Variants in GRIK2 observed in about 807,000 individuals in gnomAD.
GRIK2 encodes glutamate ionotropic receptor kainate type subunit 2.
Under a neutral mutation model 100.3 loss-of-function variants are expected in GRIK2, and 32 were observed. The observed-to-expected ratio is 0.32, with a 90% CI of 0.24 to 0.43. The LOEUF is 0.43. Ranked by LOEUF, GRIK2 falls within the 20% of genes least tolerant of loss-of-function variation. GRIK2 has a pLI of 1.00. For synonymous variants in GRIK2, 417 were observed against 389.4 expected (o/e 1.07, Z -0.83); for missense variants, 843 against 1,114.9 (o/e 0.76, Z 3.47).
At chr6:101,444,673 A>G (rs1770265081) in intron 2 of GRIK2, among the ~76,000 whole-genome samples, 1 of 152,104 alleles carries the variant, frequency 6.6e-6, no homozygotes, top group South Asian at 2.1e-4. Flanking sequence ...ATCCTTTCTT[A>G]TTGAAAATCT....
intron 2 of GRIK2, among the ~76,000 whole-genome samples, chr6:101,612,577 A>AG (rs1351230632): frequency 1.3e-5 from 2 of 151,840 alleles, no homozygotes; most frequent in Non-Finnish European, 2.9e-5. Flanking sequence ...TATGTTTGAA[A>AG]GGGGTCTGGA....
At chr6:102,017,570 T>C (rs1302557318) in intron 14 of GRIK2, among the ~76,000 whole-genome samples, 1 of 152,178 alleles carries the variant, frequency 6.6e-6, no homozygotes, top group Non-Finnish European at 1.5e-5. Flanking sequence ...ATATCTGACA[T>C]TAACTTGAGG....
chr6:101,702,714 T>A (rs2852568), intron 7 of GRIK2, among the ~76,000 whole-genome samples: 37,881 of 151,480 alleles, frequency 0.25, 6,562 homozygotes, highest in African/African-American at 0.49. Flanking sequence ...GTGATTTAGG[T>A]GTGGGGAAGG....
intron 7 of GRIK2, among the ~76,000 whole-genome samples, chr6:101,773,435 G>A (rs1156782606): frequency 2.7e-5 from 4 of 145,660 alleles, no homozygotes; most frequent in African/African-American, 1.0e-4. Flanking sequence ...AGCCGAGATC[G>A]TGCCATTGCA....
intron 2 of GRIK2, among the ~76,000 whole-genome samples, chr6:101,420,415 C>T (rs1776356475): frequency 2.0e-5 from 3 of 152,132 alleles, no homozygotes; most frequent in South Asian, 4.1e-4. Flanking sequence ...TATGAAATTG[C>T]TAATATTTGG....
intron 2 of GRIK2, among the ~76,000 whole-genome samples, chr6:101,512,345 T>C (rs755288615): frequency 3.9e-4 from 59 of 152,034 alleles, no homozygotes; most frequent in Non-Finnish European, 5.9e-4. Flanking sequence ...TAAAAATTTG[T>C]TAAACATTTT....
chr6:101,791,745 C>G (rs1779876249), intron 7 of GRIK2, among the ~76,000 whole-genome samples: 3 of 151,974 alleles, frequency 2.0e-5, no homozygotes, highest in African/African-American at 7.3e-5. Context: ...GAGCTGAGTT[C>G]AATTCCTGGG....
intron 2 of GRIK2, among the ~76,000 whole-genome samples, chr6:101,442,347 G>T (rs1219159409): frequency 6.6e-5 from 10 of 152,198 alleles, no homozygotes; most frequent in South Asian, 4.2e-4. Context: ...TGAATCCCAG[G>T]TTACCACCCA....
chr6:101,402,352 T>G (rs1775359241), intron 2 of GRIK2, among the ~76,000 whole-genome samples: 2 of 152,180 alleles, frequency 1.3e-5, no homozygotes, highest in African/African-American at 4.8e-5. Flanking sequence ...GTCTCTCTAG[T>G]GCTCAAGAAA....
At position 101,977,173 on chromosome 6, in the gene GRIK2, A is replaced by T. The variant is rs531444001; in HGVS notation, c.2085+48541A>T. 1.1e-4 allele frequency among the ~76,000 whole-genome samples: 17 copies of T among 151,404 alleles called. No individual in the cohort carries two copies. The South Asian group carries it at 3.5e-3, about 31-fold the overall frequency. ...GAGAGGGATTTATTATTTTTTTTTT[A>T]CAAGAGAGGCTATAATAGGAAATAA... On this transcript the variant is annotated intron_variant, in intron 14 of 16. Coordinates refer to ENST00000369134, the MANE Select transcript of GRIK2 (RefSeq NM_021956.5).
At chr6:101,434,610 C>A (rs1345885039) in intron 2 of GRIK2, among the ~76,000 whole-genome samples, 2 of 151,968 alleles carry the variant, frequency 1.3e-5, no homozygotes, top group African/African-American at 4.8e-5. Flanking sequence ...TGAATATTAA[C>A]CTTCTGGATG....
At chr6:101,841,643 C>T (rs1034493977) in intron 10 of GRIK2, among the ~76,000 whole-genome samples, 4 of 152,086 alleles carry the variant, frequency 2.6e-5, no homozygotes, top group East Asian at 1.9e-4. Flanking sequence ...GGATTACAAG[C>T]GTGAGCCACC....
At chr6:101,440,253 G>A (rs1769970310) in intron 2 of GRIK2, among the ~76,000 whole-genome samples, 1 of 152,070 alleles carries the variant, frequency 6.6e-6, no homozygotes, top group Non-Finnish European at 1.5e-5. Flanking sequence ...AACAGAATTA[G>A]GTATAAGACA....
chr6:101,760,934 A>G (rs1777615544), intron 7 of GRIK2, among the ~76,000 whole-genome samples: 1 of 151,622 alleles, frequency 6.6e-6, no homozygotes, highest in Admixed American at 6.6e-5. Flanking sequence ...TCTGTCTCAT[A>G]TGAGATACTT....
intron 14 of GRIK2, among the ~76,000 whole-genome samples, chr6:101,953,640 C>T (rs961151864): frequency 2.0e-5 from 3 of 152,106 alleles, no homozygotes; most frequent in African/African-American, 7.2e-5. Flanking sequence ...AGTATTTTTA[C>T]ATTTTATAGA....
At chr6:102,031,077 A>T (rs1057372762) in intron 14 of GRIK2, among the ~76,000 whole-genome samples, 8 of 8,428 alleles carry the variant, frequency 9.5e-4, no homozygotes, top group African/African-American at 6.0e-3. Context: ...ATTATGCATT[A>T]CACACACACA....
intron 2 of GRIK2, among the ~76,000 whole-genome samples, chr6:101,481,142 T>G (rs1374635844): frequency 6.6e-6 from 1 of 152,236 alleles, no homozygotes; most frequent in African/African-American, 2.4e-5. Context: ...TTAGTGTAAC[T>G]GAGGCCATAT....
intron 2 of GRIK2, among the ~76,000 whole-genome samples, chr6:101,444,838 A>ATCCCTCTGTTTTCT (rs1480511803): frequency 3.3e-5 from 5 of 151,984 alleles, no homozygotes; most frequent in African/African-American, 1.2e-4. Flanking sequence ...TTATCAGCAT[A>ATCCCTCTGTTTTCT]TACCTCTGTT....
intron 14 of GRIK2, among the ~76,000 whole-genome samples, chr6:101,946,274 C>T (rs1460041374): frequency 6.6e-6 from 1 of 151,866 alleles, no homozygotes; most frequent in Non-Finnish European, 1.5e-5. Flanking sequence ...TGTGCATACA[C>T]ACACATACCT....
Sources: gnomAD v4.1 joint callset for allele counts (sites outside exome capture counted in the v4.1 genomes callset) on GRCh38, gnomAD v4.1.1 for gene constraint, MANE v1.5 for transcripts, NCBI Gene and HGNC (gene_info 2026-07-23, HGNC 2026-07-21) for gene names.